The following AAMDC variants were observed in gnomAD, a reference collection of about 807,000 sequenced individuals.
AAMDC encodes adipogenesis associated Mth938 domain containing, also known as mth938 domain-containing protein.
In AAMDC, 16 loss-of-function variants were observed where a neutral mutation model predicts 15.5. The observed-to-expected ratio is 1.03, with a 90% CI of 0.70 to 1.57. The LOEUF (loss-of-function observed/expected upper bound fraction) is 1.57. AAMDC is among the 40% of genes most tolerant of loss of function. The probability of loss-of-function intolerance (pLI) is 0.00; values close to 1 mark genes in which losing one functional copy is unlikely to be tolerated. For synonymous variants in AAMDC, 51 were observed against 51.6 expected (o/e 0.99, Z 0.05); for missense variants, 141 against 144.9 (o/e 0.97, Z 0.14).
chr11:77,851,640 T>C (rs1311499642), intron 2 of AAMDC: 1 of 151,998 alleles, frequency 6.6e-6, no homozygotes, highest in Non-Finnish European at 1.5e-5. Flanking sequence ...AGTGAGTGAG[T>C]TGTCAAGAGA....
At chr11:77,870,329 A>ATTT (rs965312288) in intron 3 of AAMDC, among the ~76,000 whole-genome samples, 29 of 87,988 alleles carry the variant, frequency 3.3e-4, no homozygotes, top group Admixed American at 3.7e-4. Context: ...CTATTTTTTA[A>ATTT]TTTTTTTTTT....
At chr11:77,901,488 T>G (rs771826559), downstream of AAMDC, 1 of 1,613,442 alleles carries the variant, frequency 6.2e-7, no homozygotes, top group Non-Finnish European at 8.5e-7. Flanking sequence ...TGATGTATAA[T>G]CACCACCTGC....
At chr11:77,884,108 T>C (rs1474312512) in intron 5 of AAMDC, among the ~76,000 whole-genome samples, 1 of 152,196 alleles carries the variant, frequency 6.6e-6, no homozygotes, top group Non-Finnish European at 1.5e-5. Flanking sequence ...TGTAGACATC[T>C]CTATTCCCCT....
intron 1 of AAMDC, among the ~76,000 whole-genome samples, chr11:77,823,845 T>G (rs1195901400): frequency 6.6e-6 from 1 of 152,150 alleles, no homozygotes; most frequent in Non-Finnish European, 1.5e-5. Flanking sequence ...TTGCCTGTAC[T>G]TTCTATCTTT....
chr11:77,842,637 T>C lies in AAMDC; in HGVS notation c.132+9T>C, dbSNP rs368909024. ...GAGAAACAGGAACTGAGGTAAGATA[T>C]TAGTCTTTGGTTGATACTACATGAG... On this transcript the variant is annotated intron_variant, in intron 2 of 3. Coordinates refer to ENST00000393427, the MANE Select transcript of AAMDC (RefSeq NM_024684.4). The C allele has an allele frequency of 2.7e-5, 43 of 1,613,366 alleles. No homozygotes were observed. The highest frequency in any genetic ancestry group is 3.2e-5 in the Non-Finnish European group (38 of 1,179,844).
At chr11:77,850,729 AT>A (rs1166891859) in intron 2 of AAMDC, 1 of 151,898 alleles carries the variant, frequency 6.6e-6, no homozygotes, top group Non-Finnish European at 1.5e-5. Context: ...AGTTGTTAAC[AT>A]TTTACCATGT....
At chr11:77,880,593 C>G (rs1416188283) in intron 5 of AAMDC, among the ~76,000 whole-genome samples, 9 of 152,160 alleles carry the variant, frequency 5.9e-5, no homozygotes, top group Non-Finnish European at 7.3e-5. Context: ...GCTTTCCTGC[C>G]ACACTCTCCC....
At position 77,899,600 on chromosome 11, in the gene AAMDC, G is replaced by C. The variant is rs1402132798; in HGVS notation, c.329-971G>C. Among the ~76,000 whole-genome samples, 211 of 151,724 alleles carry C rather than the reference G, an allele frequency of 1.4e-3. 1 individual carries two copies. The highest frequency in any genetic ancestry group is 5.1e-3 in the African/African-American group (209 of 41,194). On this transcript the variant is annotated intron_variant, in intron 5 of 5. Transcript: ENST00000304716. Reference sequence around the variant, plus strand: ...CAGGAGAATCGCTTGAACCCAGGAGGCAGAGGTTGCAGTGAGCTGAGATCG... The same window carrying C: ...CAGGAGAATCGCTTGAACCCAGGAGCCAGAGGTTGCAGTGAGCTGAGATCG...
intron 2 of AAMDC, among the ~76,000 whole-genome samples, chr11:77,857,652 C>T (rs1324336584): frequency 2.7e-5 from 4 of 150,110 alleles, no homozygotes; most frequent in Non-Finnish European, 5.9e-5. Context: ...CATAGGTATA[C>T]ATGTGCCAGG....
downstream of AAMDC, chr11:77,901,246 C>G: frequency 2.7e-6 from 2 of 737,478 alleles, no homozygotes; most frequent in African/African-American, 1.8e-5. Flanking sequence ...AGGGTCTAAT[C>G]TGATCCAACA....
chr11:77,824,995 T>C (rs1395174939), intron 1 of AAMDC, among the ~76,000 whole-genome samples: 1 of 152,194 alleles, frequency 6.6e-6, no homozygotes, highest in Non-Finnish European at 1.5e-5. Context: ...TTGTTTTTCT[T>C]TTTGAGACAG....
At chr11:77,822,583 T>TA (rs1948968434) in intron 1 of AAMDC, among the ~76,000 whole-genome samples, 1 of 152,094 alleles carries the variant, frequency 6.6e-6, no homozygotes, top group Non-Finnish European at 1.5e-5. Flanking sequence ...TTCCAGGTTT[T>TA]AAAAAGGGGA....
At chr11:77,854,454 C>T (rs1950529404) in intron 2 of AAMDC, among the ~76,000 whole-genome samples, 1 of 152,216 alleles carries the variant, frequency 6.6e-6, no homozygotes, top group Non-Finnish European at 1.5e-5. Flanking sequence ...TAAATACTTC[C>T]ATTCCAAAAG....
At chr11:77,834,824 A>C (rs17135905) in intron 1 of AAMDC, among the ~76,000 whole-genome samples, 25,787 of 152,060 alleles carry the variant, frequency 0.17, 2,661 homozygotes, top group African/African-American at 0.27. Flanking sequence ...AAAGGACATA[A>C]CTTTTGACAT....
chr11:77,905,038 G>A (rs1952902356), downstream of AAMDC, among the ~76,000 whole-genome samples: 1 of 152,202 alleles, frequency 6.6e-6, no homozygotes, highest in Non-Finnish European at 1.5e-5. Context: ...CATTGAGGGT[G>A]TGTCTATGAG....
chr11:77,842,444 A>C (rs767656748), intron 1 of AAMDC, 35 bp from the exon 2 acceptor site: 5 of 1,592,552 alleles, frequency 3.1e-6, no homozygotes, highest in Non-Finnish European at 3.4e-6. Context: ...GCCTTACTTT[A>C]TAACTGATTT....
At chr11:77,885,068 T>C (rs1951945700) in intron 5 of AAMDC, among the ~76,000 whole-genome samples, 1 of 151,528 alleles carries the variant, frequency 6.6e-6, no homozygotes, top group Non-Finnish European at 1.5e-5. Context: ...CCTACCCTTA[T>C]TTCTTTTTCT....
chr11:77,828,589 T>C (rs1949282732), intron 1 of AAMDC, among the ~76,000 whole-genome samples: 1 of 148,328 alleles, frequency 6.7e-6, no homozygotes, highest in South Asian at 2.1e-4. Flanking sequence ...AAGAATGGCG[T>C]GAACCCGGGA....
rs200045522 is a variant in AAMDC at position 77,892,903 on chromosome 11, AG to A, written c.329-7667del. Among the ~76,000 whole-genome samples the A allele has an allele frequency of 1.9e-3, 287 of 152,340 alleles. 1 individual carries two copies. Among genetic ancestry groups the A allele is most frequent in the African/African-American group, 6.7e-3 (278 of 41,590 alleles). ...CAGCCTCAAAACTAGGATCTTAAAA[AG>A]CCAAGCTAGATGGTAAGTTTGCTAG... On this transcript the variant is annotated intron_variant, in intron 5 of 5. Transcript: ENST00000304716.
Sources: allele counts gnomAD v4.1 joint callset (sites outside exome capture counted in the v4.1 genomes callset), GRCh38; gene constraint gnomAD v4.1.1; transcripts MANE v1.5; gene names NCBI Gene and HGNC (gene_info 2026-07-23, HGNC 2026-07-21).